The following CSMD3 variants were observed in gnomAD, a reference collection of about 807,000 sequenced individuals.
The protein encoded by CSMD3 is CUB and Sushi multiple domains 3, also known as CUB and sushi domain-containing protein 3.
Under a neutral mutation model 435.2 loss-of-function variants are expected in CSMD3, and 177 were observed. The observed-to-expected ratio is 0.41, with a 90% CI of 0.36 to 0.46. The LOEUF (loss-of-function observed/expected upper bound fraction) is 0.46. CSMD3 is among the 20% of genes least tolerant of loss of function. The pLI, the probability that CSMD3 is intolerant of heterozygous loss-of-function variation, is 0.34. For synonymous variants in CSMD3, 1,656 were observed against 1,520.5 expected, an observed-to-expected ratio of 1.09 and a Z score of -2.07; for missense variants, 4,265 against 4,504.6, an observed-to-expected ratio of 0.95 and a Z score of 1.52.
chr8:113,128,408 T>C (rs759598151), intron 4 of CSMD3, among the ~76,000 whole-genome samples: 2 of 151,958 alleles, frequency 1.3e-5, no homozygotes, highest in Non-Finnish European at 2.9e-5. Flanking sequence ...TTTATGACCA[T>C]CTCATTGTAT....
intron 1 of CSMD3, among the ~76,000 whole-genome samples, chr8:113,355,473 C>T (rs866959928): frequency 4.0e-5 from 6 of 151,708 alleles, no homozygotes; most frequent in Non-Finnish European, 8.8e-5. Flanking sequence ...TTGCTGTATC[C>T]TTACATGGTG....
intron 2 of CSMD3, chr8:113,312,750 A>G (rs145114169): frequency 1.3e-5 from 2 of 152,198 alleles, no homozygotes; most frequent in Non-Finnish European, 2.9e-5. Flanking sequence ...TATTATTTGC[A>G]TTAACAAAAG....
chr8:112,660,569 T>G (rs2075356514), intron 17 of CSMD3, among the ~76,000 whole-genome samples: 1 of 152,148 alleles, frequency 6.6e-6, no homozygotes, highest in Non-Finnish European at 1.5e-5. Context: ...TTAAGGATTT[T>G]TTTTTCTTAG....
chr8:112,439,698 C>G (rs538466402), intron 32 of CSMD3, among the ~76,000 whole-genome samples: 4 of 152,018 alleles, frequency 2.6e-5, no homozygotes, highest in Non-Finnish European at 4.4e-5. Flanking sequence ...AGAAAGCAAA[C>G]ACATCTTTCT....
intron 3 of CSMD3, among the ~76,000 whole-genome samples, chr8:113,197,305 ATAT>A (rs2092668936): frequency 6.6e-6 from 1 of 151,162 alleles, no homozygotes; most frequent in Non-Finnish European, 1.5e-5. Flanking sequence ...CTATATATAT[ATAT>A]AACACACATA....
chr8:113,019,530 G>A (rs2086603151), intron 5 of CSMD3, among the ~76,000 whole-genome samples: 1 of 148,556 alleles, frequency 6.7e-6, no homozygotes, highest in Non-Finnish European at 1.5e-5. Flanking sequence ...GTTATATATT[G>A]TTTATTATTT....
chr8:112,635,880 C>A (rs1027478069), intron 22 of CSMD3, among the ~76,000 whole-genome samples: 3 of 152,098 alleles, frequency 2.0e-5, no homozygotes, highest in Admixed American at 6.6e-5. Flanking sequence ...AACCACATTT[C>A]AAATCTCTAC....
At chr8:113,003,459 T>C (rs1252441825) in intron 6 of CSMD3, among the ~76,000 whole-genome samples, 1 of 152,056 alleles carries the variant, frequency 6.6e-6, no homozygotes, top group Non-Finnish European at 1.5e-5. Flanking sequence ...GATAAGTGTG[T>C]TTTTGCTTGT....
intron 3 of CSMD3, among the ~76,000 whole-genome samples, chr8:113,200,867 C>G (rs896591303): frequency 6.6e-6 from 1 of 151,690 alleles, no homozygotes; most frequent in African/African-American, 2.4e-5. Flanking sequence ...AAAATTTCTT[C>G]TGTATAGAGG....
At chr8:112,599,978 C>T (rs1224302820) in intron 22 of CSMD3, among the ~76,000 whole-genome samples, 1 of 150,172 alleles carries the variant, frequency 6.7e-6, no homozygotes, top group Non-Finnish European at 1.5e-5. Flanking sequence ...ATGTAACTAA[C>T]CTGCACAATG....
At chr8:112,752,711 A>G (rs1449977132) in intron 13 of CSMD3, among the ~76,000 whole-genome samples, 1 of 152,234 alleles carries the variant, frequency 6.6e-6, no homozygotes, top group Non-Finnish European at 1.5e-5. Context: ...AATATGAGTA[A>G]GATTCTATTT....
At chr8:113,000,523 C>T (rs143229321) in intron 6 of CSMD3, among the ~76,000 whole-genome samples, 60 of 151,902 alleles carry the variant, frequency 3.9e-4, no homozygotes, top group Non-Finnish European at 2.4e-4. Context: ...TTAATTAGCC[C>T]GATTTAGTCA....
At chr8:112,470,955 A>G (rs976481304) in intron 32 of CSMD3, among the ~76,000 whole-genome samples, 6 of 152,300 alleles carry the variant, frequency 3.9e-5, no homozygotes, top group Admixed American at 3.9e-4. Context: ...TATTGGCTCA[A>G]CGTAGCAGTT....
chr8:112,256,399 G>A (rs1815805920), intron 61 of CSMD3, among the ~76,000 whole-genome samples: 1 of 152,044 alleles, frequency 6.6e-6, no homozygotes, highest in Non-Finnish European at 1.5e-5. Flanking sequence ...AGGTGGCAAA[G>A]GTGTCTCTCA....
chr8:112,899,105 T>G (rs2082030694), intron 10 of CSMD3, among the ~76,000 whole-genome samples: 1 of 151,236 alleles, frequency 6.6e-6, no homozygotes, highest in Non-Finnish European at 1.5e-5. Flanking sequence ...ATGTTTAAAA[T>G]ATTATAGAAT....
intron 1 of CSMD3, among the ~76,000 whole-genome samples, chr8:113,382,797 A>G (rs2094422454): frequency 6.6e-6 from 1 of 152,090 alleles, no homozygotes; most frequent in Admixed American, 6.5e-5. Flanking sequence ...CCTGGACAAC[A>G]TGATGAAACC....
chr8:112,665,409 T>C (rs1170483776), intron 17 of CSMD3, among the ~76,000 whole-genome samples: 1 of 152,168 alleles, frequency 6.6e-6, no homozygotes, highest in Non-Finnish European at 1.5e-5. Context: ...GTGGAATCTG[T>C]TCTCTCCCAT....
chr8:112,813,024 C>T (rs570679490), intron 12 of CSMD3, among the ~76,000 whole-genome samples: 22 of 152,186 alleles, frequency 1.4e-4, no homozygotes, highest in South Asian at 6.2e-4. Flanking sequence ...TAGAAAAAAA[C>T]GAGTTCTTGT....
At chr8:113,372,622 C>T (rs1259354394) in intron 1 of CSMD3, among the ~76,000 whole-genome samples, 9 of 152,068 alleles carry the variant, frequency 5.9e-5, no homozygotes, top group Non-Finnish European at 1.2e-4. Context: ...TATTTTATAC[C>T]ATTCCAAAAG....
Sources: allele counts gnomAD v4.1 joint callset (sites outside exome capture counted in the v4.1 genomes callset), GRCh38; gene constraint gnomAD v4.1.1; transcripts MANE v1.5; gene names NCBI Gene and HGNC (gene_info 2026-07-23, HGNC 2026-07-21).